UGGT2: variants seen among roughly 807,000 people sequenced by gnomAD.
UGGT2 encodes UDP-glucose glycoprotein glucosyltransferase 2.
UGGT2 carries 180 observed loss-of-function variants against 192.1 expected under a neutral mutation model. That is an observed-to-expected ratio of 0.94 (90% confidence interval 0.83 to 1.06). The LOEUF is 1.06. Ranked by LOEUF, UGGT2 falls within the 50% of genes least tolerant of loss-of-function variation. The pLI, the probability that UGGT2 is intolerant of heterozygous loss-of-function variation, is 0.00. For missense variants in UGGT2, 1,849 were observed against 1,795.7 expected (o/e 1.03, Z -0.54); for synonymous variants, 580 against 591.0 (o/e 0.98, Z 0.27).
chr13:95,956,057 A>C (rs2140662807), intron 12 of UGGT2, among the ~76,000 whole-genome samples: 2 of 152,324 alleles, frequency 1.3e-5, no homozygotes, highest in South Asian at 4.1e-4. Flanking sequence ...TGTTAGTAAA[A>C]GGCAATCACA....
At chr13:95,860,113 T>C (rs1890017286) in intron 32 of UGGT2, among the ~76,000 whole-genome samples, 1 of 152,034 alleles carries the variant, frequency 6.6e-6, no homozygotes, top group South Asian at 2.1e-4. Context: ...AGGATACAAA[T>C]GAATCTGAAG....
chr13:95,930,938 G>A lies in UGGT2; in HGVS notation c.1978-3602C>T, dbSNP rs1184358843. 2.6e-5 allele frequency among the ~76,000 whole-genome samples: 4 copies of A among 152,164 alleles called. No individual in the cohort carries two copies. The East Asian group carries it at 7.7e-4, about 29-fold the overall frequency. The stretch of plus-strand genomic sequence containing the variant: ...GCACGGACCCAAAGACTGAGCAGCA[G>A]AAAGATTTACTGCAAAGAGCAAAAG... On this transcript the variant is annotated intron_variant, in intron 17 of 38. Coordinates refer to ENST00000376747, the MANE Select transcript of UGGT2 (RefSeq NM_020121.4).
intron 10 of UGGT2, among the ~76,000 whole-genome samples, chr13:95,981,144 C>A (rs1044243787): frequency 6.6e-6 from 1 of 152,128 alleles, no homozygotes. Context: ...CTCTGCAGTA[C>A]CCCCAAGTGA....
chr13:95,931,002 T>C (rs936127054), intron 17 of UGGT2, among the ~76,000 whole-genome samples: 23 of 152,090 alleles, frequency 1.5e-4, no homozygotes, highest in Non-Finnish European at 1.9e-4. Context: ...CCCAAGCGGG[T>C]TGCCACGGCT....
At chr13:95,931,768 G>A (rs61972932) in intron 17 of UGGT2, among the ~76,000 whole-genome samples, 3,877 of 151,968 alleles carry the variant, frequency 0.026, 60 homozygotes, top group Non-Finnish European at 0.034. Flanking sequence ...CCCGGAACTC[G>A]CGCTGGCCCA....
chr13:95,951,626 T>C (rs2050065176), intron 12 of UGGT2, among the ~76,000 whole-genome samples: 1 of 152,210 alleles, frequency 6.6e-6, no homozygotes, highest in Non-Finnish European at 1.5e-5. Context: ...CAACTAAACT[T>C]GTGGTCTGAA....
At chr13:95,848,375 C>T (rs944988203) in intron 36 of UGGT2, among the ~76,000 whole-genome samples, 5 of 152,116 alleles carry the variant, frequency 3.3e-5, no homozygotes, top group African/African-American at 1.2e-4. Context: ...ATTGACATAC[C>T]CAAGGCCATC....
In UGGT2 at chr13:95,827,614, C is replaced by A. The variant is rs533053576; in HGVS notation, c.4528+5313G>T. Among the ~76,000 whole-genome samples the A allele has an allele frequency of 9.9e-5, 15 of 152,124 alleles. No individual in the cohort carries two copies. In the East Asian group the frequency reaches 1.7e-3, roughly 18 times the overall value. ...TTTGTGGAACTGTGTTATAGCAGCC[C>A]TAGCAAACTAATATAATGAAAAAGA... On this transcript the variant is annotated intron_variant, in intron 38 of 38. Transcript: ENST00000376747.
intron 20 of UGGT2, among the ~76,000 whole-genome samples, chr13:95,905,673 A>G (rs2048265944): frequency 1.3e-5 from 2 of 152,154 alleles, no homozygotes; most frequent in Admixed American, 6.5e-5. Context: ...TTTTGGTACC[A>G]GTACCATGCT....
chr13:95,853,716 T>G, intron 35 of UGGT2, 59 bp from the exon 36 acceptor site: 1 of 1,187,480 alleles, frequency 8.4e-7, no homozygotes, highest in Non-Finnish European at 1.2e-6. Context: ...TAGTTTTACT[T>G]TCCTCCAGTG....
intron 1 of UGGT2, among the ~76,000 whole-genome samples, chr13:96,049,648 A>C (rs1651000241): frequency 1.3e-5 from 2 of 152,214 alleles, no homozygotes; most frequent in Admixed American, 1.3e-4. Flanking sequence ...ATACAAAATC[A>C]ATGTACAAAA....
At chr13:95,994,606 T>C (rs1390733566) in intron 7 of UGGT2, among the ~76,000 whole-genome samples, 1 of 151,930 alleles carries the variant, frequency 6.6e-6, no homozygotes, top group Non-Finnish European at 1.5e-5. Context: ...AAATGCTTTA[T>C]TACTAAATTA....
At chr13:95,975,620 G>A (rs1222009666) in intron 10 of UGGT2, among the ~76,000 whole-genome samples, 1 of 152,130 alleles carries the variant, frequency 6.6e-6, no homozygotes, top group Non-Finnish European at 1.5e-5. Context: ...CCTTAAAGAA[G>A]AGGGAACCCA....
intron 1 of UGGT2, among the ~76,000 whole-genome samples, chr13:96,046,300 G>A (rs1463062997): frequency 6.6e-6 from 1 of 152,102 alleles, no homozygotes. Context: ...GAATGAAACT[G>A]GATTCTTATC....
chr13:96,051,408 A>T (rs976247470), intron 1 of UGGT2, among the ~76,000 whole-genome samples: 1 of 152,184 alleles, frequency 6.6e-6, no homozygotes, highest in Non-Finnish European at 1.5e-5. Flanking sequence ...CAGCACACCA[A>T]CATGGCACAT....
intron 20 of UGGT2, among the ~76,000 whole-genome samples, chr13:95,910,045 A>G (rs1475165788): frequency 1.3e-5 from 2 of 152,138 alleles, no homozygotes; most frequent in Non-Finnish European, 2.9e-5. Context: ...AAATGCTGAG[A>G]GATTCTGTCA....
intron 4 of UGGT2, among the ~76,000 whole-genome samples, chr13:96,020,469 T>C (rs1291481684): frequency 6.6e-6 from 1 of 152,126 alleles, no homozygotes; most frequent in Non-Finnish European, 1.5e-5. Context: ...AATGACAGTT[T>C]CCCTCTGGGC....
Position 95,961,504 on chromosome 13 carries a change from T to C in UGGT2, c.1335+8608A>G, listed in dbSNP as rs76858434. 3.0e-4 allele frequency among the ~76,000 whole-genome samples: 45 copies of C among 152,190 alleles called. 1 individual carries two copies. The East Asian group carries it at 8.3e-3, about 28-fold the overall frequency. On this transcript the variant is annotated intron_variant, in intron 12 of 38. Coordinates refer to ENST00000376747, the MANE Select transcript of UGGT2 (RefSeq NM_020121.4). ...TCAAAAACAGTTAAAAGGACAAAGATAGTCATTATATAATAATAAAGGGAT... is the reference window on the plus strand; with the variant it reads ...TCAAAAACAGTTAAAAGGACAAAGACAGTCATTATATAATAATAAAGGGAT...
intron 8 of UGGT2, among the ~76,000 whole-genome samples, chr13:95,986,680 G>T (rs1033072373): frequency 6.6e-6 from 1 of 151,856 alleles, no homozygotes. Flanking sequence ...GTATAATTTC[G>T]AGAGAGATAT....
Sources: gnomAD v4.1 joint callset for allele counts (sites outside exome capture counted in the v4.1 genomes callset) on GRCh38, gnomAD v4.1.1 for gene constraint, MANE v1.5 for transcripts, NCBI Gene and HGNC (gene_info 2026-07-23, HGNC 2026-07-21) for gene names.